IKZF2: variants seen among roughly 807,000 people sequenced by gnomAD.
IKZF2 encodes the protein IKAROS family zinc finger 2.
A neutral mutation model predicts 49.2 loss-of-function variants in IKZF2; 15 were observed. The ratio of observed to expected loss-of-function variants is 0.30; its 90% CI spans 0.20 to 0.47. IKZF2 has a LOEUF of 0.47. Among genes scored for constraint, IKZF2 ranks in the 20% least tolerant of loss-of-function variants. IKZF2 has a pLI of 1.00. For synonymous variants in IKZF2, 227 were observed against 221.4 expected (o/e 1.03, Z -0.23); for missense variants, 567 against 664.6 (o/e 0.85, Z 1.61).
chr2:213,076,151 A>G (rs1296443965), intron 4 of IKZF2, among the ~76,000 whole-genome samples: 2 of 152,176 alleles, frequency 1.3e-5, no homozygotes, highest in Non-Finnish European at 2.9e-5. Flanking sequence ...GAAAAAAGTG[A>G]ACGGAAGTAA....
intron 7 of IKZF2, chr2:213,021,330 T>C (rs1232515666): frequency 6.6e-6 from 1 of 152,442 alleles, no homozygotes; most frequent in African/African-American, 2.4e-5. Context: ...ACAAATCTAA[T>C]TAGTAAGACA....
intron 4 of IKZF2, among the ~76,000 whole-genome samples, chr2:213,078,179 G>T (rs1007353392): frequency 1.5e-4 from 23 of 152,120 alleles, no homozygotes; most frequent in African/African-American, 5.6e-4. Context: ...TATTTTAGAA[G>T]GGTAGAGAAA....
At chr2:213,014,044 T>A (rs1277004920) in intron 7 of IKZF2, 110 bp from the exon 8 acceptor site, 1 of 906,578 alleles carries the variant, frequency 1.1e-6, no homozygotes, top group Non-Finnish European at 1.7e-6. Context: ...TATGCTTCAG[T>A]AGAAGCAAGT....
chr2:213,099,217 T>C (rs1706361082), intron 4 of IKZF2, among the ~76,000 whole-genome samples: 1 of 152,094 alleles, frequency 6.6e-6, no homozygotes, highest in Non-Finnish European at 1.5e-5. Flanking sequence ...CCATCCTCCT[T>C]TCTTTTATAA....
At chr2:213,028,217 T>C (rs566393341) in intron 6 of IKZF2, among the ~76,000 whole-genome samples, 6 of 152,136 alleles carry the variant, frequency 3.9e-5, no homozygotes, top group Non-Finnish European at 7.4e-5. Context: ...TTGGGTTCTA[T>C]TTCTGGACTC....
chr2:213,122,029 A>G (rs1336060731), intron 4 of IKZF2, among the ~76,000 whole-genome samples: 3 of 152,214 alleles, frequency 2.0e-5, no homozygotes, highest in Admixed American at 2.0e-4. Context: ...ATCTCAATCA[A>G]AAAGACCTAG....
intron 4 of IKZF2, among the ~76,000 whole-genome samples, chr2:213,132,984 G>A (rs1286306318): frequency 6.6e-6 from 1 of 152,158 alleles, no homozygotes; most frequent in Admixed American, 6.5e-5. Context: ...TCAAACAGAT[G>A]AAAAGCAGAA....
intron 4 of IKZF2, among the ~76,000 whole-genome samples, chr2:213,088,958 G>T (rs569372277): frequency 1.3e-5 from 2 of 152,234 alleles, no homozygotes; most frequent in South Asian, 2.1e-4. Flanking sequence ...AAACTGTTGG[G>T]TAGCTTTGGT....
rs1695185375 is a variant in IKZF2, at chr2:213,004,741, C to T, written c.*2619G>A. 1 of 152,068 alleles carries T rather than the reference C, an allele frequency of 6.6e-6. No individual in the cohort carries two copies. The highest frequency in any genetic ancestry group is 1.5e-5 in the Non-Finnish European group (1 of 67,932). 9.4% of individuals were successfully genotyped at this position (152,068 alleles called of 1,614,324 possible). On this transcript the variant is annotated 3_prime_UTR_variant, in exon 9 of 9. Transcript: ENST00000434687. ...TTTCTGACCCACAAATTTGAATTGA[C>T]TTTGTCCTCAATTGTCCCTGCCACA...
chr2:213,010,683 G>C (rs1314690546), intron 8 of IKZF2, among the ~76,000 whole-genome samples: 1 of 152,056 alleles, frequency 6.6e-6, no homozygotes, highest in African/African-American at 2.4e-5. Context: ...GTGTGTGTGA[G>C]ACCCCCTTTG....
At chr2:213,108,391 CAG>C (rs2059600695) in intron 4 of IKZF2, among the ~76,000 whole-genome samples, 1 of 151,978 alleles carries the variant, frequency 6.6e-6, no homozygotes, top group African/African-American at 2.4e-5. Context: ...TCATAATAAG[CAG>C]ATTTGTGTGC....
intron 4 of IKZF2, among the ~76,000 whole-genome samples, chr2:213,068,329 A>C (rs1400906298): frequency 6.6e-6 from 1 of 152,120 alleles, no homozygotes; most frequent in African/African-American, 2.4e-5. Context: ...CTGGTGATTT[A>C]GCACTGAAGA....
chr2:213,148,534 A>G lies in IKZF2; in HGVS notation c.34+62T>C. Reference sequence around the variant, plus strand: ...TAAAGTTTCATAATCCAGGAATTAAAACACAGGTAATACAAAGGCAACTTT... The same window carrying G: ...TAAAGTTTCATAATCCAGGAATTAAGACACAGGTAATACAAAGGCAACTTT... On this transcript the variant is annotated intron_variant, in intron 3 of 8. Coordinates refer to ENST00000434687, the MANE Select transcript of IKZF2 (RefSeq NM_001387220.1). 3.6e-6 allele frequency: 4 copies of G among 1,118,200 alleles called. No individual in the cohort carries two copies. In the South Asian group the frequency reaches 5.3e-5, roughly 15 times the overall value. 69.3% of individuals were successfully genotyped at this position (1,118,200 alleles called of 1,614,324 possible). A position where few individuals can be genotyped will look rare whatever the true frequency, so the allele number is the denominator to read the frequency against.
chr2:213,007,895 G>A lies in IKZF2; in HGVS notation c.1046C>T (p.Pro349Leu). The A allele has an allele frequency of 6.2e-7, 1 of 1,613,522 alleles. No individual in the cohort carries two copies. Among genetic ancestry groups the A allele is most frequent in the Non-Finnish European group, 8.5e-7 (1 of 1,179,738 alleles). ...CTGAGAATAAGCTGAGCTTATAACT[G>A]GGGCCACTTCAGCGATTGTGCTTGG... The part of the protein sequence containing the change: ...HPPSTIAEVA[P>L]VISSAYSQVY... The change falls in exon 9 of 9, where the codon CCA becomes CTA. Residue 349 changes from proline (P) to leucine (L), a missense_variant. Around this residue, in one of 5 missense-constraint regions of IKZF2, gnomAD observed 310 missense variants for 326.9 expected, o/e 0.95. Transcript: ENST00000434687.
intron 6 of IKZF2, among the ~76,000 whole-genome samples, chr2:213,040,528 A>G (rs1003036046): frequency 3.9e-5 from 6 of 152,124 alleles, no homozygotes; most frequent in Admixed American, 1.3e-4. Context: ...TATACAAAAT[A>G]TACCTGAAAT....
intron 6 of IKZF2, among the ~76,000 whole-genome samples, chr2:213,031,515 C>G (rs990488134): frequency 6.6e-6 from 1 of 152,094 alleles, no homozygotes; most frequent in Non-Finnish European, 1.5e-5. Context: ...ACAATTCAAA[C>G]AAGAAAATGT....
intron 4 of IKZF2, among the ~76,000 whole-genome samples, chr2:213,061,911 G>C (rs1310579605): frequency 6.6e-6 from 1 of 151,274 alleles, no homozygotes; most frequent in African/African-American, 2.4e-5. Flanking sequence ...AATGTAAAAA[G>C]GCACTTCTTT....
intron 4 of IKZF2, among the ~76,000 whole-genome samples, chr2:213,142,674 G>A (rs969170439): frequency 1.3e-5 from 2 of 151,880 alleles, no homozygotes; most frequent in African/African-American, 4.8e-5. Context: ...AGCAAAGCAG[G>A]AATTCTAACC....
At chr2:213,130,083 C>G (rs2060424897) in intron 4 of IKZF2, among the ~76,000 whole-genome samples, 2 of 152,194 alleles carry the variant, frequency 1.3e-5, no homozygotes, top group Non-Finnish European at 2.9e-5. Flanking sequence ...TGTAACACTT[C>G]TAATGAAGGC....
Sources: gnomAD v4.1 joint callset for allele counts (sites outside exome capture counted in the v4.1 genomes callset) on GRCh38, gnomAD v4.1.1 for gene constraint, gnomAD v4.1.1 regional missense constraint, MANE v1.5 for transcripts, NCBI Gene and HGNC (gene_info 2026-07-23, HGNC 2026-07-21) for gene names.